ERBB4: variants seen among roughly 807,000 people sequenced by gnomAD.
The protein encoded by ERBB4 is receptor tyrosine-protein kinase erbB-4.
A neutral mutation model predicts 158.0 loss-of-function variants in ERBB4; 42 were observed. That is an observed-to-expected ratio of 0.27 (90% CI 0.21 to 0.34). The LOEUF (loss-of-function observed/expected upper bound fraction) is 0.34. ERBB4 is among the 10% of genes least tolerant of loss of function. The pLI is 1.00. For missense variants in ERBB4, 1,333 were observed against 1,624.1 expected, an observed-to-expected ratio of 0.82 and a Z score of 3.08; for synonymous variants, 583 against 558.7, an observed-to-expected ratio of 1.04 and a Z score of -0.61.
intron 3 of ERBB4, among the ~76,000 whole-genome samples, chr2:211,815,525 C>G (rs914498116): frequency 1.3e-5 from 2 of 151,764 alleles, no homozygotes; most frequent in African/African-American, 4.8e-5. Flanking sequence ...TTTTTTTTCC[C>G]CATAGGAATT....
intron 15 of ERBB4, among the ~76,000 whole-genome samples, chr2:211,661,963 CG>C (rs1367632865): frequency 1.0e-4 from 13 of 129,598 alleles, no homozygotes; most frequent in Non-Finnish European, 3.2e-5. Context: ...GGCGTGAACC[CG>C]GGAGGCGGAG....
intron 1 of ERBB4, among the ~76,000 whole-genome samples, chr2:212,485,966 T>A (rs181184387): frequency 6.6e-6 from 1 of 151,340 alleles, no homozygotes; most frequent in Non-Finnish European, 1.5e-5. Flanking sequence ...AGTAATTAGG[T>A]TTTCAACATA....
At chr2:211,738,375 T>TTG (rs2074678238) in intron 5 of ERBB4, among the ~76,000 whole-genome samples, 3 of 149,518 alleles carry the variant, frequency 2.0e-5, no homozygotes, top group Non-Finnish European at 4.5e-5. Context: ...TTTTTTTTTT[T>TTG]TTTTTTTTTT....
intron 19 of ERBB4, among the ~76,000 whole-genome samples, chr2:211,618,361 T>A (rs555492154): frequency 6.6e-6 from 1 of 152,236 alleles, no homozygotes; most frequent in Admixed American, 6.5e-5. Flanking sequence ...TAAAAAGTTT[T>A]ATTGGAACAG....
chr2:211,901,372 T>C (rs1258900033), intron 3 of ERBB4, among the ~76,000 whole-genome samples: 8 of 152,206 alleles, frequency 5.3e-5, no homozygotes, highest in African/African-American at 1.4e-4. Flanking sequence ...CAGCTCCTTC[T>C]GGAAGCATGA....
At chr2:212,335,371 G>A (rs1359360433) in intron 1 of ERBB4, among the ~76,000 whole-genome samples, 8 of 151,914 alleles carry the variant, frequency 5.3e-5, no homozygotes. Flanking sequence ...GAAAGTAGTA[G>A]TGGGTTACAA....
intron 19 of ERBB4, among the ~76,000 whole-genome samples, chr2:211,575,226 G>T (rs1310315701): frequency 6.6e-6 from 1 of 152,120 alleles, no homozygotes; most frequent in Non-Finnish European, 1.5e-5. Flanking sequence ...AGTGTCCATA[G>T]GCATGATCAA....
chr2:212,177,472 C>A (rs904256697), intron 1 of ERBB4, among the ~76,000 whole-genome samples: 1 of 151,904 alleles, frequency 6.6e-6, no homozygotes, highest in Non-Finnish European at 1.5e-5. Flanking sequence ...AAGTATATAG[C>A]AGCTTTCTAG....
chr2:212,176,639 G>T (rs10177771), intron 1 of ERBB4, among the ~76,000 whole-genome samples: 11,286 of 151,928 alleles, frequency 0.074, 922 homozygotes, highest in African/African-American at 0.21. Flanking sequence ...CCTACCTAAT[G>T]CTGATTCATC....
In ERBB4 at chr2:211,580,697, C is replaced by T. The variant is rs184869550; in HGVS notation, c.2302-18609G>A. On this transcript the variant is annotated intron_variant, in intron 19 of 27. Coordinates refer to ENST00000342788, the MANE Select transcript of ERBB4 (RefSeq NM_005235.3). ...TCATTATATGAAAAAGATACCTGCA[C>T]ATGCATGTTTATAGCAGCACAATTT... is the stretch of plus-strand genomic sequence containing the variant. Among the ~76,000 whole-genome samples, 1,427 of 147,228 alleles carry T rather than the reference C, an allele frequency of 9.7e-3. 19 individuals are homozygous for T. Among genetic ancestry groups the T allele is most frequent in the African/African-American group, 0.032 (1,271 of 40,156 alleles).
At chr2:211,666,960 A>T (rs2071654558) in intron 14 of ERBB4, among the ~76,000 whole-genome samples, 1 of 152,186 alleles carries the variant, frequency 6.6e-6, no homozygotes, top group Admixed American at 6.5e-5. Flanking sequence ...TTAGGTAGGG[A>T]TTGTAAAGAT....
chr2:211,530,301 T>C (rs1031114360), intron 20 of ERBB4, among the ~76,000 whole-genome samples: 1 of 151,852 alleles, frequency 6.6e-6, no homozygotes, highest in Non-Finnish European at 1.5e-5. Flanking sequence ...AAGTGAACAA[T>C]CTCTATAATG....
chr2:211,530,272 A>C (rs2066459464), intron 20 of ERBB4, among the ~76,000 whole-genome samples: 1 of 152,130 alleles, frequency 6.6e-6, no homozygotes, highest in Admixed American at 6.5e-5. Context: ...GAAATAAAAT[A>C]CCTTGGGATT....
At chr2:211,866,143 C>G (rs561142699) in intron 3 of ERBB4, among the ~76,000 whole-genome samples, 5 of 152,138 alleles carry the variant, frequency 3.3e-5, no homozygotes, top group African/African-American at 1.2e-4. Flanking sequence ...CCCAGCTACT[C>G]GGGAGGCTGG....
chr2:211,530,965 C>T (rs1458030493), intron 20 of ERBB4, among the ~76,000 whole-genome samples: 2 of 152,022 alleles, frequency 1.3e-5, no homozygotes, highest in Non-Finnish European at 2.9e-5. Flanking sequence ...TAAAAACAAA[C>T]ATGTAGACCA....
intron 20 of ERBB4, among the ~76,000 whole-genome samples, chr2:211,496,497 C>A (rs2065473259): frequency 6.6e-6 from 1 of 151,668 alleles, no homozygotes; most frequent in African/African-American, 2.4e-5. Flanking sequence ...CTTGAAAATT[C>A]TCTTTCTCTA....
intron 19 of ERBB4, among the ~76,000 whole-genome samples, chr2:211,577,646 G>T (rs776494929): frequency 1.3e-4 from 20 of 152,058 alleles, no homozygotes; most frequent in Non-Finnish European, 2.9e-4. Flanking sequence ...GGGATTCAAG[G>T]CTGGTTCAAC....
At chr2:212,243,518 A>C (rs2084194498) in intron 1 of ERBB4, among the ~76,000 whole-genome samples, 1 of 152,220 alleles carries the variant, frequency 6.6e-6, no homozygotes, top group Non-Finnish European at 1.5e-5. Flanking sequence ...TGCACAAAAG[A>C]TATAAAGAAG....
At chr2:211,834,987 T>C (rs2077308870) in intron 3 of ERBB4, among the ~76,000 whole-genome samples, 1 of 152,152 alleles carries the variant, frequency 6.6e-6, no homozygotes, top group Non-Finnish European at 1.5e-5. Flanking sequence ...AAGCTTTACA[T>C]TCAGTCATAA....
Sources: allele counts gnomAD v4.1 joint callset (sites outside exome capture counted in the v4.1 genomes callset), GRCh38; gene constraint gnomAD v4.1.1; transcripts MANE v1.5; gene names NCBI Gene and HGNC (gene_info 2026-07-23, HGNC 2026-07-21).